The following APBB2 variants were observed in gnomAD, a reference collection of about 807,000 sequenced individuals.
APBB2 encodes the protein Fe65-like 1.
A neutral mutation model predicts 82.5 loss-of-function variants in APBB2; 38 were observed. The observed-to-expected ratio is 0.46, with a 90% CI of 0.36 to 0.60. The LOEUF is 0.60. Ranked by LOEUF, APBB2 falls within the 20% of genes least tolerant of loss-of-function variation. The pLI is 0.00. For missense variants in APBB2, 772 were observed against 972.3 expected (o/e 0.79, Z 2.74); for synonymous variants, 341 against 368.2 (o/e 0.93, Z 0.85).
intron 10 of APBB2, among the ~76,000 whole-genome samples, chr4:40,930,466 C>T (rs1418117312): frequency 1.1e-4 from 15 of 132,624 alleles, no homozygotes; most frequent in East Asian, 8.1e-4. Flanking sequence ...CGCGCGCGCG[C>T]GTGCGCGTGC....
chr4:40,900,757 T>C (rs1359845306), intron 10 of APBB2, among the ~76,000 whole-genome samples: 1 of 104,482 alleles, frequency 9.6e-6, no homozygotes, highest in Non-Finnish European at 2.3e-5. Context: ...GAGCCCGGGC[T>C]TTTTTTTTTT....
At chr4:40,935,386 G>A in intron 7 of APBB2, 1 of 469,318 alleles carries the variant, frequency 2.1e-6, no homozygotes. Flanking sequence ...AACATTATTA[G>A]AAGCAGACAG....
intron 6 of APBB2, among the ~76,000 whole-genome samples, chr4:41,004,602 C>A (rs1171150531): frequency 6.6e-6 from 1 of 151,204 alleles, no homozygotes; most frequent in Non-Finnish European, 1.5e-5. Context: ...GCACTTTGGG[C>A]AAGGCGGGTG....
chr4:41,096,602 A>G (rs1207965514), intron 3 of APBB2, among the ~76,000 whole-genome samples: 1 of 152,254 alleles, frequency 6.6e-6, no homozygotes, highest in Non-Finnish European at 1.5e-5. Context: ...CCAATTAAAC[A>G]TTTGTAATTT....
rs186290333 is a variant in APBB2, at chr4:41,013,525, A to G, written c.835+58T>C. On this transcript the variant is annotated intron_variant, in intron 6 of 17. Transcript: ENST00000508593. ...GGTCAGTCTAGAGATTTACTCCAAT[A>G]GTTGAAAAGATAAAAAAAAAAAAGT... 290 of 1,473,986 alleles carry G rather than the reference A, an allele frequency of 2.0e-4. 1 individual carries two copies. The African/African-American group carries it at 3.8e-3, about 19-fold the overall frequency. The allele number at this position is 1,473,986 out of a possible 1,614,324, so 91.3% of individuals were successfully genotyped here. A position where few individuals can be genotyped will look rare whatever the true frequency, so the allele number is the denominator to read the frequency against.
chr4:41,124,679 C>G (rs1173688571), intron 2 of APBB2, among the ~76,000 whole-genome samples: 2 of 152,190 alleles, frequency 1.3e-5, no homozygotes, highest in Non-Finnish European at 2.9e-5. Flanking sequence ...CCCCATGAAT[C>G]TGCTGGATAT....
chr4:40,875,121 A>C, intron 12 of APBB2, among the ~76,000 whole-genome samples: 1 of 152,308 alleles, frequency 6.6e-6, no homozygotes, highest in South Asian at 2.1e-4. Context: ...GACATGTCAC[A>C]TCGTGGGGTT....
chr4:40,853,737 A>G (rs775968098), intron 12 of APBB2, among the ~76,000 whole-genome samples: 2 of 151,838 alleles, frequency 1.3e-5, no homozygotes, highest in Non-Finnish European at 2.9e-5. Context: ...GATTACAGAT[A>G]TGAGCCACCA....
At chr4:40,873,224 G>A (rs1483541316) in intron 12 of APBB2, among the ~76,000 whole-genome samples, 1 of 152,010 alleles carries the variant, frequency 6.6e-6, no homozygotes, top group East Asian at 1.9e-4. Flanking sequence ...ACAATGTTAT[G>A]ATTAGAAGTG....
At chr4:40,843,274 C>T (rs1220516555) in intron 12 of APBB2, among the ~76,000 whole-genome samples, 1 of 152,142 alleles carries the variant, frequency 6.6e-6, no homozygotes, top group Non-Finnish European at 1.5e-5. Context: ...GGTCATGGAG[C>T]GGCCAGCAGG....
chr4:40,934,839 T>G (rs766617303), intron 8 of APBB2, 140 bp from the exon 9 acceptor site: 2 of 704,396 alleles, frequency 2.8e-6, no homozygotes, highest in Non-Finnish European at 4.8e-6. Context: ...ATGCAAGGAC[T>G]GTTGAATGCT....
intron 12 of APBB2, among the ~76,000 whole-genome samples, chr4:40,844,481 T>C (rs1385922443): frequency 2.0e-5 from 3 of 152,228 alleles, no homozygotes; most frequent in Non-Finnish European, 4.4e-5. Flanking sequence ...TCGGCTGGGT[T>C]GTGCTGGGCA....
chr4:40,967,419 C>A (rs115156320), intron 6 of APBB2, among the ~76,000 whole-genome samples: 2,017 of 152,320 alleles, frequency 0.013, 52 homozygotes, highest in African/African-American at 0.045. Context: ...GGCCTAGGAG[C>A]TCCCTGAGCC....
At chr4:40,974,003 C>T (rs1222429288) in intron 6 of APBB2, among the ~76,000 whole-genome samples, 1 of 152,004 alleles carries the variant, frequency 6.6e-6, no homozygotes, top group East Asian at 1.9e-4. Flanking sequence ...AGGCACGCGC[C>T]ACCACACCTG....
At chr4:41,148,585 G>A (rs1761413372) in intron 1 of APBB2, among the ~76,000 whole-genome samples, 1 of 152,188 alleles carries the variant, frequency 6.6e-6, no homozygotes, top group South Asian at 2.1e-4. Context: ...TGCACGGACT[G>A]ACTCTAAGGG....
chr4:40,933,695 C>T (rs925684525), intron 10 of APBB2, among the ~76,000 whole-genome samples: 3 of 152,122 alleles, frequency 2.0e-5, no homozygotes, highest in Non-Finnish European at 4.4e-5. Flanking sequence ...CCTGAGATGC[C>T]GGGGGGCCAG....
intron 1 of APBB2, among the ~76,000 whole-genome samples, chr4:41,188,792 T>C (rs1445071658): frequency 6.6e-6 from 1 of 152,110 alleles, no homozygotes; most frequent in Non-Finnish European, 1.5e-5. Context: ...CACGTGCCTG[T>C]AGTCTGGGCT....
chr4:40,882,829 G>A (rs746124725), intron 12 of APBB2, among the ~76,000 whole-genome samples: 2 of 152,204 alleles, frequency 1.3e-5, no homozygotes, highest in African/African-American at 2.4e-5. Context: ...TTCACACTGC[G>A]TCGGAACGTT....
intron 1 of APBB2, among the ~76,000 whole-genome samples, chr4:41,160,095 C>A (rs1381417511): frequency 6.6e-6 from 1 of 151,876 alleles, no homozygotes; most frequent in Non-Finnish European, 1.5e-5. Flanking sequence ...GGGAAAACAT[C>A]AAGGATGAAA....
Sources: allele counts gnomAD v4.1 joint callset (sites outside exome capture counted in the v4.1 genomes callset), GRCh38; gene constraint gnomAD v4.1.1; transcripts MANE v1.5; gene names NCBI Gene and HGNC (gene_info 2026-07-23, HGNC 2026-07-21).